The following CORO2B variants were observed in gnomAD, a reference collection of about 807,000 sequenced individuals.
The protein encoded by CORO2B is coronin 2B.
A neutral mutation model predicts 58.8 loss-of-function variants in CORO2B; 26 were observed. That is an observed-to-expected ratio of 0.44 (90% CI 0.32 to 0.61). The LOEUF is 0.61. CORO2B is among the 20% of genes least tolerant of loss of function. The pLI, the probability that CORO2B is intolerant of heterozygous loss-of-function variation, is 0.04. For missense variants in CORO2B, 460 were observed against 645.1 expected, an observed-to-expected ratio of 0.71 and a Z score of 3.11; for synonymous variants, 242 against 253.8, an observed-to-expected ratio of 0.95 and a Z score of 0.44.
chr15:68,544,384 G>A, the CORO2B span, among the ~76,000 whole-genome samples: 697 of 152,264 alleles, frequency 4.6e-3, 5 homozygotes, highest in African/African-American at 0.016. Context: ...TGAGTCCCTC[G>A]TTTTTGCCAG....
chr15:68,568,645 G>A, the CORO2B span, among the ~76,000 whole-genome samples: 2 of 152,124 alleles, frequency 1.3e-5, no homozygotes, highest in South Asian at 2.1e-4. Flanking sequence ...CTTTTTATAG[G>A]CATTAGCTCA....
At chr15:68,603,328 A>C (rs148860000) in intron 1 of CORO2B, among the ~76,000 whole-genome samples, 230 of 152,342 alleles carry the variant, frequency 1.5e-3, no homozygotes, top group African/African-American at 5.3e-3. Flanking sequence ...CAGATGAGCG[A>C]AAGTTGGCCT....
At chr15:68,631,451 T>C (rs1255688896) in intron 1 of CORO2B, among the ~76,000 whole-genome samples, 1 of 152,208 alleles carries the variant, frequency 6.6e-6, no homozygotes, top group African/African-American at 2.4e-5. Flanking sequence ...AGTAGATACC[T>C]AGTAAGTGGT....
intron 1 of CORO2B, among the ~76,000 whole-genome samples, chr15:68,615,064 G>A (rs1413836070): frequency 1.3e-5 from 2 of 152,220 alleles, no homozygotes; most frequent in Non-Finnish European, 2.9e-5. Flanking sequence ...GAGGAGAGAG[G>A]TGAGGGCATT....
At chr15:68,587,010 G>A (rs1899576622) in intron 1 of CORO2B, among the ~76,000 whole-genome samples, 1 of 148,456 alleles carries the variant, frequency 6.7e-6, no homozygotes, top group Admixed American at 6.8e-5. Flanking sequence ...ATCTATATTG[G>A]GCCTTGGTCT....
the CORO2B span, among the ~76,000 whole-genome samples, chr15:68,564,107 G>A: frequency 2.0e-5 from 3 of 152,170 alleles, no homozygotes; most frequent in South Asian, 4.1e-4. Context: ...GATGGTCTAA[G>A]TTCTAAAACT....
chr15:68,546,467 C>T, the CORO2B span, among the ~76,000 whole-genome samples: 2 of 152,300 alleles, frequency 1.3e-5, no homozygotes, highest in South Asian at 4.1e-4. Flanking sequence ...CAACCAGCCA[C>T]CTCCAGCCCA....
chr15:68,701,302 TTTTTTTTC>T (rs1892637667), intron 3 of CORO2B, among the ~76,000 whole-genome samples: 1 of 142,014 alleles, frequency 7.0e-6, no homozygotes, highest in African/African-American at 3.0e-5. Context: ...GACTAGTTTC[TTTTTTTTC>T]TTTTTTTTCT....
intron 2 of CORO2B, among the ~76,000 whole-genome samples, chr15:68,686,020 G>GTTTTTTTTTTTTTTTCTT (rs1902959272): frequency 9.7e-6 from 1 of 103,334 alleles, no homozygotes; most frequent in South Asian, 3.1e-4. Context: ...TCCTACTTCT[G>GTTTTTTTTTTTTTTTCTT]TTTTTTTTTT....
intron 2 of CORO2B, among the ~76,000 whole-genome samples, chr15:68,653,324 C>A (rs1406759994): frequency 6.6e-6 from 1 of 152,278 alleles, no homozygotes; most frequent in East Asian, 1.9e-4. Context: ...AGTTTGTAGT[C>A]CAATTGGCTA....
At chr15:68,674,257 GAGA>G (rs1902498821) in intron 2 of CORO2B, among the ~76,000 whole-genome samples, 1 of 152,250 alleles carries the variant, frequency 6.6e-6, no homozygotes, top group Non-Finnish European at 1.5e-5. Context: ...AGGCTTTCCA[GAGA>G]AGAAGCAACC....
intron 1 of CORO2B, among the ~76,000 whole-genome samples, chr15:68,602,008 CT>C (rs566789911): frequency 0.085 from 11,364 of 133,176 alleles, 1,104 homozygotes; most frequent in African/African-American, 0.25. Flanking sequence ...GATGGGAAGG[CT>C]TTTTTTTTTT....
intron 1 of CORO2B, among the ~76,000 whole-genome samples, chr15:68,619,634 G>A (rs978531274): frequency 6.6e-6 from 1 of 152,050 alleles, no homozygotes; most frequent in African/African-American, 2.4e-5. Context: ...GAATAAACAT[G>A]GTTGGGTGTA....
the CORO2B span, among the ~76,000 whole-genome samples, chr15:68,523,189 CT>C: frequency 6.6e-6 from 1 of 151,544 alleles, no homozygotes; most frequent in Non-Finnish European, 1.5e-5. Context: ...TCTTTTCTTT[CT>C]TTTTTCTTTT....
chr15:68,679,350 C>T (rs557197610), intron 2 of CORO2B, among the ~76,000 whole-genome samples: 4 of 152,222 alleles, frequency 2.6e-5, no homozygotes, highest in South Asian at 2.1e-4. Context: ...GCACATGCAC[C>T]GGGGCAGCTG....
At chr15:68,709,110 A>G (rs74020284) in intron 3 of CORO2B, among the ~76,000 whole-genome samples, 6,586 of 152,268 alleles carry the variant, frequency 0.043, 454 homozygotes, top group African/African-American at 0.15. Context: ...CTGCTTCTAC[A>G]TTTTCCATAT....
At chr15:68,582,214 C>T (rs1361769080) in intron 1 of CORO2B, among the ~76,000 whole-genome samples, 2 of 152,206 alleles carry the variant, frequency 1.3e-5, no homozygotes, top group Non-Finnish European at 2.9e-5. Flanking sequence ...CACAGAGCCC[C>T]GGAGAACTTC....
At chr15:68,643,505 A>C (rs1378938215) in intron 1 of CORO2B, among the ~76,000 whole-genome samples, 1 of 152,194 alleles carries the variant, frequency 6.6e-6, no homozygotes, top group Non-Finnish European at 1.5e-5. Flanking sequence ...GGGACACAGC[A>C]TGGGCAAAGG....
rs1359386889 is a variant in CORO2B, at chr15:68,719,170, C to T, written c.1107C>T (p.Tyr369=). The part of the protein sequence containing the change: ...RRSDSYQEDI[Y]PMTPGTEPAL... ...CAGATTCCTACCAGGAAGACATTTACCCAATGACACCAGGCACGGAGCCAG... is the reference window on the plus strand; with the variant it reads ...CAGATTCCTACCAGGAAGACATTTATCCAATGACACCAGGCACGGAGCCAG... The change falls in exon 10 of 12, where the codon TAC becomes TAT. Residue 369 remains tyrosine (Y), a synonymous_variant. Coordinates refer to ENST00000261861, the MANE Select transcript of CORO2B (RefSeq NM_006091.5). 2.5e-6 allele frequency: 4 copies of T among 1,613,986 alleles called. No homozygotes were observed. The highest frequency in any genetic ancestry group is 3.4e-6 in the Non-Finnish European group (4 of 1,179,980).
Sources: allele counts gnomAD v4.1 joint callset (sites outside exome capture counted in the v4.1 genomes callset), GRCh38; gene constraint gnomAD v4.1.1; transcripts MANE v1.5; gene names NCBI Gene and HGNC (gene_info 2026-07-23, HGNC 2026-07-21).